The following MYO1D variants were observed in gnomAD, a reference collection of about 807,000 sequenced individuals.
The protein encoded by MYO1D is myosin ID.
Under a neutral mutation model 122.0 loss-of-function variants are expected in MYO1D, and 83 were observed. That is an observed-to-expected ratio of 0.68 (90% CI 0.57 to 0.82). MYO1D has a LOEUF of 0.82. Ranked by LOEUF, MYO1D falls within the 40% of genes least tolerant of loss-of-function variation. The pLI, the probability that MYO1D is intolerant of heterozygous loss-of-function variation, is 0.00. For missense variants in MYO1D, 1,157 were observed against 1,269.5 expected, an observed-to-expected ratio of 0.91 and a Z score of 1.35; for synonymous variants, 464 against 446.9, an observed-to-expected ratio of 1.04 and a Z score of -0.48.
In MYO1D at chr17:32,524,326, A is replaced by G. The variant is rs1910263133; in HGVS notation, c.2865-29411T>C. ...TCTCAGTCTCAGTCTTAGTTTCACAACTAAAACACTCTCTGCGCTAACAAG... is the reference window on the plus strand; with the variant it reads ...TCTCAGTCTCAGTCTTAGTTTCACAGCTAAAACACTCTCTGCGCTAACAAG... On this transcript the variant is annotated intron_variant, in intron 21 of 21. Coordinates refer to ENST00000318217, the MANE Select transcript of MYO1D (RefSeq NM_015194.3). Among the ~76,000 whole-genome samples, 3 of 152,208 alleles carry G rather than the reference A, an allele frequency of 2.0e-5. No homozygotes were observed. The South Asian group carries it at 6.2e-4, about 32-fold the overall frequency.
At position 32,671,045 on chromosome 17, in the gene MYO1D, C is replaced by T. The variant is rs748905511; in HGVS notation, c.2122-11707G>A. Among the ~76,000 whole-genome samples the T allele has an allele frequency of 7.2e-5, 11 of 152,186 alleles. No homozygotes were observed. The East Asian group carries it at 9.6e-4, about 13-fold the overall frequency. On this transcript the variant is annotated intron_variant, in intron 16 of 21. Coordinates refer to ENST00000318217, the MANE Select transcript of MYO1D (RefSeq NM_015194.3). ...AGCTGGCCCAGGGCCATGCCTGTCC[C>T]GGAGCTGCAGGCCAGAGTGGGGCAA...
At chr17:32,771,932 T>C (rs2151023442) in intron 5 of MYO1D, among the ~76,000 whole-genome samples, 1 of 152,330 alleles carries the variant, frequency 6.6e-6, no homozygotes, top group African/African-American at 2.4e-5. Context: ...GTATTAGGTT[T>C]AAATTCTCTA....
intron 19 of MYO1D, among the ~76,000 whole-genome samples, chr17:32,648,682 G>A (rs543635087): frequency 6.6e-6 from 1 of 152,306 alleles, no homozygotes; most frequent in East Asian, 1.9e-4. Flanking sequence ...AAAATTATGG[G>A]GTTTGGAGAG....
intron 3 of MYO1D, among the ~76,000 whole-genome samples, chr17:32,778,198 C>G (rs773695364): frequency 1.3e-5 from 2 of 152,174 alleles, no homozygotes; most frequent in Non-Finnish European, 2.9e-5. Context: ...GGAACACTTT[C>G]AACTGTTTCA....
intron 21 of MYO1D, among the ~76,000 whole-genome samples, chr17:32,550,385 C>A (rs1428231353): frequency 2.0e-5 from 3 of 152,174 alleles, no homozygotes; most frequent in Non-Finnish European, 2.9e-5. Context: ...CTGCGCCCAG[C>A]CTGAGCTATG....
intron 10 of MYO1D, among the ~76,000 whole-genome samples, chr17:32,758,485 T>C (rs1205565822): frequency 6.6e-6 from 1 of 152,142 alleles, no homozygotes; most frequent in African/African-American, 2.4e-5. Flanking sequence ...TGTAAAACTC[T>C]CTTAGAGAAA....
In MYO1D at chr17:32,605,089, C is replaced by T. The variant is rs61738609; in HGVS notation, c.2862G>A (p.Lys954=). The change falls in exon 21 of 22, where the codon AAG becomes AAA. Residue 954 remains lysine (K), a splice_region_variant and synonymous_variant. Coordinates refer to ENST00000318217, the MANE Select transcript of MYO1D (RefSeq NM_015194.3). ...TAGTTACAAAAATCAAACTTTACCT[C>T]TTGAAATGATTCACCAGCACTCCAA... ...ELVGVLVNHF[K]SEKRHLQVNV... 3.3e-5 allele frequency: 52 copies of T among 1,579,410 alleles called. No individual in the cohort carries two copies. The highest frequency in any genetic ancestry group is 1.7e-5 in the Admixed American group (1 of 58,746).
At chr17:32,652,005 C>G (rs189694027) in intron 19 of MYO1D, among the ~76,000 whole-genome samples, 16 of 152,250 alleles carry the variant, frequency 1.1e-4, no homozygotes, top group Admixed American at 2.0e-4. Context: ...GTGTATATTA[C>G]TGTGTACATA....
At chr17:32,742,156 A>G (rs925272765) in intron 13 of MYO1D, among the ~76,000 whole-genome samples, 1 of 152,094 alleles carries the variant, frequency 6.6e-6, no homozygotes, top group African/African-American at 2.4e-5. Context: ...ACATTTCATT[A>G]GGTTTTGTAA....
At chr17:32,678,261 TTTTTC>T (rs540143338) in intron 16 of MYO1D, among the ~76,000 whole-genome samples, 86 of 151,902 alleles carry the variant, frequency 5.7e-4, no homozygotes, top group African/African-American at 1.9e-3. Context: ...TTTCTTTTTT[TTTTTC>T]TTTTATTATA....
chr17:32,528,261 G>T (rs75902586), intron 21 of MYO1D, among the ~76,000 whole-genome samples: 3 of 152,192 alleles, frequency 2.0e-5, no homozygotes, highest in Non-Finnish European at 2.9e-5. Context: ...GATCAGAGGC[G>T]ATGTCTAGCC....
intron 16 of MYO1D, among the ~76,000 whole-genome samples, chr17:32,684,851 A>C (rs2088983117): frequency 6.6e-6 from 1 of 152,238 alleles, no homozygotes; most frequent in African/African-American, 2.4e-5. Context: ...TCTGATTTTC[A>C]ATGAATTTTC....
intron 21 of MYO1D, among the ~76,000 whole-genome samples, chr17:32,547,410 C>T (rs1439270023): frequency 6.6e-6 from 1 of 152,200 alleles, no homozygotes; most frequent in East Asian, 1.9e-4. Flanking sequence ...AGTTTTACAG[C>T]TAAGGAATGT....
At chr17:32,832,947 T>G (rs2090786720) in intron 1 of MYO1D, among the ~76,000 whole-genome samples, 1 of 152,230 alleles carries the variant, frequency 6.6e-6, no homozygotes, top group Non-Finnish European at 1.5e-5. Flanking sequence ...ACGTTTACAT[T>G]ATTTTAAAGT....
At chr17:32,705,556 C>A (rs1236219946) in intron 16 of MYO1D, among the ~76,000 whole-genome samples, 1 of 152,206 alleles carries the variant, frequency 6.6e-6, no homozygotes, top group Non-Finnish European at 1.5e-5. Flanking sequence ...GGCCACCACA[C>A]GTGGCCGATT....
At chr17:32,635,556 G>A (rs1002503768) in intron 20 of MYO1D, among the ~76,000 whole-genome samples, 1 of 152,128 alleles carries the variant, frequency 6.6e-6, no homozygotes, top group Non-Finnish European at 1.5e-5. Context: ...AGCTGGGCAC[G>A]GTGGCAGGTG....
intron 1 of MYO1D, among the ~76,000 whole-genome samples, chr17:32,864,548 G>GA (rs200717040): frequency 0.38 from 27,206 of 72,220 alleles, 5,320 homozygotes; most frequent in African/African-American, 0.45. Context: ...TTCTACGAAT[G>GA]AAAAAAAAAA....
At chr17:32,515,151 C>T (rs1051212097) in intron 21 of MYO1D, among the ~76,000 whole-genome samples, 4 of 152,152 alleles carry the variant, frequency 2.6e-5, no homozygotes, top group African/African-American at 4.8e-5. Context: ...GCTGGTTAGA[C>T]GAATGAAACC....
chr17:32,674,759 C>T (rs2088780652), intron 16 of MYO1D, among the ~76,000 whole-genome samples: 1 of 152,112 alleles, frequency 6.6e-6, no homozygotes, highest in South Asian at 2.1e-4. Flanking sequence ...TTGCTAGTAG[C>T]CTGGCTCTTG....
Sources: allele counts gnomAD v4.1 joint callset (sites outside exome capture counted in the v4.1 genomes callset), GRCh38; gene constraint gnomAD v4.1.1; transcripts MANE v1.5; gene names NCBI Gene and HGNC (gene_info 2026-07-23, HGNC 2026-07-21).